Variants in DMXL1 observed in about 807,000 individuals in gnomAD.
DMXL1 encodes the protein dmX-like protein 1.
In DMXL1, 99 loss-of-function variants were observed where a neutral mutation model predicts 319.2. The ratio of observed to expected loss-of-function variants is 0.31; its 90% CI spans 0.26 to 0.37. DMXL1 has a LOEUF of 0.37. DMXL1 is among the 10% of genes least tolerant of loss of function. DMXL1 has a pLI of 1.00. For synonymous variants in DMXL1, 1,385 were observed against 1,235.2 expected, an observed-to-expected ratio of 1.12 and a Z score of -2.54; for missense variants, 3,745 against 3,595.6, an observed-to-expected ratio of 1.04 and a Z score of -1.06.
chr5:119,182,664 C>G (rs987186990), intron 28 of DMXL1, among the ~76,000 whole-genome samples: 3 of 152,026 alleles, frequency 2.0e-5, no homozygotes, highest in African/African-American at 4.8e-5. Flanking sequence ...TTATTAGACT[C>G]TAGTCTGGCA....
At chr5:119,177,268 C>T (rs758975939) in intron 26 of DMXL1, 89 bp from the exon 27 acceptor site, 3 of 946,614 alleles carry the variant, frequency 3.2e-6, no homozygotes, top group Non-Finnish European at 3.0e-6. Flanking sequence ...AATTAATAAA[C>T]AAAAATTGAT....
At chr5:119,097,047 A>G (rs35722376) in intron 1 of DMXL1, among the ~76,000 whole-genome samples, 14,361 of 152,298 alleles carry the variant, frequency 0.094, 945 homozygotes, top group Non-Finnish European at 0.14. Context: ...GTGGTTGGGA[A>G]TTGTAGCCTG....
chr5:119,177,617 CCACT>C (rs910012150), intron 27 of DMXL1, 133 bp downstream of exon 27: 1 of 667,980 alleles, frequency 1.5e-6, no homozygotes, highest in Non-Finnish European at 2.4e-6. Context: ...TAAGTATTCA[CCACT>C]CATTCTGAAT....
chr5:119,139,457 A>G (rs1350275854), intron 13 of DMXL1, among the ~76,000 whole-genome samples: 1 of 152,242 alleles, frequency 6.6e-6, no homozygotes. Context: ...GAAATCAGAA[A>G]GAAGCCGGGT....
intron 1 of DMXL1, among the ~76,000 whole-genome samples, chr5:119,097,365 A>T (rs1387528519): frequency 6.6e-6 from 1 of 152,222 alleles, no homozygotes; most frequent in Non-Finnish European, 1.5e-5. Flanking sequence ...TGCTATTAGT[A>T]GAATAGGAGA....
chr5:119,137,981 G>A (rs1766411681), intron 13 of DMXL1, among the ~76,000 whole-genome samples: 2 of 152,158 alleles, frequency 1.3e-5, no homozygotes, highest in South Asian at 4.1e-4. Flanking sequence ...GTAACTTCAG[G>A]TTTTACTCTG....
At chr5:119,209,372 G>T (rs796434226) in intron 34 of DMXL1, among the ~76,000 whole-genome samples, 2 of 148,330 alleles carry the variant, frequency 1.3e-5, no homozygotes, top group African/African-American at 5.0e-5. Flanking sequence ...TTTTTAAAAG[G>T]CAGGGTCTCA....
chr5:119,225,509 G>C (rs950627310), intron 38 of DMXL1, among the ~76,000 whole-genome samples: 43 of 151,870 alleles, frequency 2.8e-4, no homozygotes, highest in Non-Finnish European at 7.4e-5. Context: ...ATAGTAACAA[G>C]AATAATGCAT....
At chr5:119,177,250 A>G (rs1775977719) in intron 26 of DMXL1, 107 bp from the exon 27 acceptor site, 1 of 652,934 alleles carries the variant, frequency 1.5e-6, no homozygotes, top group South Asian at 2.8e-5. Flanking sequence ...TAGATGTACT[A>G]GCAGTATAAT....
rs1193878049 is a variant in DMXL1, at chr5:119,137,946, A to T, written c.2376+3557A>T. Among the ~76,000 whole-genome samples, 5 of 152,354 alleles carry T rather than the reference A, an allele frequency of 3.3e-5. No homozygotes were observed. In the South Asian group the frequency reaches 8.3e-4, roughly 25 times the overall value. ...GTCGGAAAGTTAGCCTGGCCAGGTC[A>T]TATGAAGCCTGATAGGCCATTGTGG... On this transcript the variant is annotated intron_variant, in intron 13 of 43. Transcript: ENST00000539542.
intron 31 of DMXL1, among the ~76,000 whole-genome samples, chr5:119,196,831 T>C (rs1212610921): frequency 6.6e-6 from 1 of 152,170 alleles, no homozygotes; most frequent in East Asian, 1.9e-4. Context: ...CATGATAACA[T>C]ACTAAGTGAT....
At chr5:119,124,400 G>T (rs909251358) in intron 9 of DMXL1, among the ~76,000 whole-genome samples, 3 of 151,832 alleles carry the variant, frequency 2.0e-5, no homozygotes, top group African/African-American at 2.4e-5. Flanking sequence ...TTCCTTGAGC[G>T]TGAGAAGGGA....
intron 25 of DMXL1, among the ~76,000 whole-genome samples, chr5:119,172,311 G>A (rs1774744630): frequency 6.6e-6 from 1 of 152,144 alleles, no homozygotes; most frequent in African/African-American, 2.4e-5. Flanking sequence ...ATATTTTAAT[G>A]TAAAGGCACT....
At chr5:119,111,367 G>A (rs1352011387) in intron 5 of DMXL1, among the ~76,000 whole-genome samples, 1 of 152,036 alleles carries the variant, frequency 6.6e-6, no homozygotes, top group Non-Finnish European at 1.5e-5. Flanking sequence ...TAAAAATAGT[G>A]TAAAATATCT....
intron 38 of DMXL1, among the ~76,000 whole-genome samples, chr5:119,225,027 G>A (rs772628890): frequency 4.6e-5 from 7 of 151,818 alleles, no homozygotes; most frequent in Admixed American, 2.6e-4. Flanking sequence ...CAAAATTTGC[G>A]ACTACCAATA....
At chr5:119,104,310 G>A (rs1455369982) in intron 3 of DMXL1, 1 of 152,162 alleles carries the variant, frequency 6.6e-6, no homozygotes, top group Non-Finnish European at 1.5e-5. Context: ...TTCCTGCAAG[G>A]CAGTGTTTCA....
intron 9 of DMXL1, among the ~76,000 whole-genome samples, chr5:119,123,242 A>C (rs1157204872): frequency 1.3e-5 from 2 of 151,582 alleles, no homozygotes; most frequent in East Asian, 3.9e-4. Context: ...CAGTGAGCCG[A>C]GATGGCGGCA....
intron 37 of DMXL1, among the ~76,000 whole-genome samples, chr5:119,221,286 T>G (rs1386976793): frequency 6.6e-6 from 1 of 152,174 alleles, no homozygotes; most frequent in Non-Finnish European, 1.5e-5. Flanking sequence ...AAATATACTT[T>G]GCTTGAAAAC....
chr5:119,201,103 G>A (rs191421659), intron 32 of DMXL1, among the ~76,000 whole-genome samples: 4 of 152,120 alleles, frequency 2.6e-5, no homozygotes, highest in Admixed American at 2.0e-4. Context: ...TTCAATACTA[G>A]GTTGAATAGG....
Sources: gnomAD v4.1 joint callset for allele counts (sites outside exome capture counted in the v4.1 genomes callset) on GRCh38, gnomAD v4.1.1 for gene constraint, MANE v1.5 for transcripts, NCBI Gene and HGNC (gene_info 2026-07-23, HGNC 2026-07-21) for gene names.